Variants in MSRA observed in about 807,000 individuals in gnomAD.
MSRA encodes methionine sulfoxide reductase A.
A neutral mutation model predicts 31.3 loss-of-function variants in MSRA; 54 were observed. That is an observed-to-expected ratio of 1.73 (90% CI 1.39 to 2.17). The LOEUF (loss-of-function observed/expected upper bound fraction) is 2.17. Ranked by LOEUF, MSRA falls within the 30% of genes most tolerant of loss-of-function variation. The pLI, the probability that MSRA is intolerant of heterozygous loss-of-function variation, is 0.00. For synonymous variants in MSRA, 169 were observed against 116.5 expected, an observed-to-expected ratio of 1.45 and a Z score of -2.90; for missense variants, 507 against 300.9, an observed-to-expected ratio of 1.69 and a Z score of -5.07.
At chr8:10,370,731 C>T (rs913354139) in intron 5 of MSRA, among the ~76,000 whole-genome samples, 29 of 152,222 alleles carry the variant, frequency 1.9e-4, no homozygotes, top group African/African-American at 6.8e-4. Context: ...TCACAGTGAA[C>T]GACAAGGAGG....
chr8:10,245,963 G>T (rs1430945407), intron 3 of MSRA, among the ~76,000 whole-genome samples: 1 of 152,204 alleles, frequency 6.6e-6, no homozygotes, highest in African/African-American at 2.4e-5. Context: ...TGTGTTTTCT[G>T]TAAGGAAAAA....
intron 3 of MSRA, among the ~76,000 whole-genome samples, chr8:10,280,636 G>A (rs1799571337): frequency 6.6e-6 from 1 of 152,088 alleles, no homozygotes; most frequent in Non-Finnish European, 1.5e-5. Flanking sequence ...TAAACATAGG[G>A]TTAGTCTATG....
chr8:10,291,208 C>T (rs1270677805), intron 3 of MSRA, among the ~76,000 whole-genome samples: 1 of 152,164 alleles, frequency 6.6e-6, no homozygotes, highest in Non-Finnish European at 1.5e-5. Flanking sequence ...TATGGCACTC[C>T]TCTGAGAGCA....
At chr8:10,323,089 C>CA (rs34539032) in intron 5 of MSRA, among the ~76,000 whole-genome samples, 46,753 of 112,058 alleles carry the variant, frequency 0.42, 10,159 homozygotes, top group Non-Finnish European at 0.44. Context: ...GACTCCATCT[C>CA]AAAAAAAAAA....
At chr8:10,089,701 C>T (rs1428292779) in intron 1 of MSRA, among the ~76,000 whole-genome samples, 1 of 152,188 alleles carries the variant, frequency 6.6e-6, no homozygotes, top group African/African-American at 2.4e-5. Context: ...CTGCTGGCCT[C>T]CGGTGAGGAC....
chr8:10,069,294 T>C (rs941616160), intron 1 of MSRA, among the ~76,000 whole-genome samples: 5 of 152,218 alleles, frequency 3.3e-5, no homozygotes, highest in African/African-American at 1.2e-4. Context: ...TCTAGTATGA[T>C]GCTGAATAGG....
At chr8:10,257,412 T>C (rs1000210395) in intron 3 of MSRA, among the ~76,000 whole-genome samples, 3 of 152,146 alleles carry the variant, frequency 2.0e-5, no homozygotes, top group Admixed American at 6.5e-5. Context: ...TCATTTAGTT[T>C]ATTTATTTTT....
chr8:10,112,375 C>T (rs773216860), intron 1 of MSRA, among the ~76,000 whole-genome samples: 12 of 152,318 alleles, frequency 7.9e-5, no homozygotes, highest in Non-Finnish European at 1.5e-4. Context: ...ATATAGAAGG[C>T]TACCTCTCTC....
chr8:10,127,154 T>C (rs753335729), intron 1 of MSRA, among the ~76,000 whole-genome samples: 11 of 152,366 alleles, frequency 7.2e-5, no homozygotes, highest in Non-Finnish European at 1.2e-4. Context: ...CTGTAGGATA[T>C]CTGTTGAGAT....
At chr8:10,340,695 C>T (rs1018505299) in intron 5 of MSRA, among the ~76,000 whole-genome samples, 1 of 152,214 alleles carries the variant, frequency 6.6e-6, no homozygotes, top group Non-Finnish European at 1.5e-5. Context: ...ATTATACCCA[C>T]TTTATAAAGT....
chr8:10,151,279 A>ATT (rs1563155229), intron 1 of MSRA, among the ~76,000 whole-genome samples: 1 of 143,336 alleles, frequency 7.0e-6, no homozygotes, highest in South Asian at 2.2e-4. Flanking sequence ...AAAAAAAAAA[A>ATT]AAAAAAAAAT....
chr8:10,337,043 C>T (rs1803092498), intron 5 of MSRA: 1 of 152,254 alleles, frequency 6.6e-6, no homozygotes, highest in South Asian at 2.1e-4. Flanking sequence ...CCAGCTAATC[C>T]ATGCCTTGTA....
At chr8:10,212,234 A>T (rs1017514432) in intron 2 of MSRA, among the ~76,000 whole-genome samples, 3 of 152,164 alleles carry the variant, frequency 2.0e-5, no homozygotes, top group African/African-American at 7.2e-5. Flanking sequence ...TAAATTTGTC[A>T]TCCAAACTAG....
chr8:10,293,875 C>G (rs1447989254), intron 3 of MSRA, among the ~76,000 whole-genome samples: 2 of 152,148 alleles, frequency 1.3e-5, no homozygotes, highest in Admixed American at 6.5e-5. Flanking sequence ...CTGTGGCGCT[C>G]TAGACCAGTG....
chr8:10,199,116 T>C (rs181988746), intron 1 of MSRA, among the ~76,000 whole-genome samples: 5 of 152,300 alleles, frequency 3.3e-5, no homozygotes, highest in Middle Eastern at 3.4e-3. Flanking sequence ...CCTCTGTCTT[T>C]TGCAGAATCA....
chr8:10,290,212 G>C (rs1800157669), intron 3 of MSRA, among the ~76,000 whole-genome samples: 1 of 152,164 alleles, frequency 6.6e-6, no homozygotes, highest in Non-Finnish European at 1.5e-5. Flanking sequence ...GAGTGAGCAG[G>C]TCCCAAGAAG....
chr8:10,213,447 T>TTG (rs1405490896), intron 2 of MSRA, among the ~76,000 whole-genome samples: 1 of 145,886 alleles, frequency 6.9e-6, no homozygotes, highest in East Asian at 2.0e-4. Context: ...TTTTTTTTTT[T>TTG]TTTTTTTTTG....
intron 5 of MSRA, chr8:10,337,161 A>G (rs1454418574): frequency 6.6e-6 from 1 of 152,200 alleles, no homozygotes; most frequent in East Asian, 1.9e-4. Context: ...CTAGGCCAGC[A>G]GCTCTAGAAG....
intron 1 of MSRA, among the ~76,000 whole-genome samples, chr8:10,186,422 C>G (rs1365742267): frequency 3.9e-5 from 6 of 152,028 alleles, no homozygotes; most frequent in Admixed American, 1.3e-4. Context: ...TAATGACACT[C>G]AAATTTGAAT....
Sources: allele counts gnomAD v4.1 joint callset (sites outside exome capture counted in the v4.1 genomes callset), GRCh38; gene constraint gnomAD v4.1.1; transcripts MANE v1.5; gene names NCBI Gene and HGNC (gene_info 2026-07-23, HGNC 2026-07-21).